The following GABRB1 variants were observed in gnomAD, a reference collection of about 807,000 sequenced individuals.
GABRB1 encodes gamma-aminobutyric acid receptor subunit beta-1.
GABRB1 carries 17 observed loss-of-function variants against 51.6 expected under a neutral mutation model. That is an observed-to-expected ratio of 0.33 (90% confidence interval 0.23 to 0.49). GABRB1 has a LOEUF of 0.49. Ranked by LOEUF, GABRB1 falls within the 20% of genes least tolerant of loss-of-function variation. The pLI is 0.99. For missense variants in GABRB1, 410 were observed against 600.6 expected (o/e 0.68, Z 3.32); for synonymous variants, 247 against 218.9 (o/e 1.13, Z -1.14).
intron 3 of GABRB1, among the ~76,000 whole-genome samples, chr4:47,119,226 C>A (rs1715640657): frequency 6.6e-6 from 1 of 151,854 alleles, no homozygotes. Flanking sequence ...GAATCAATGG[C>A]AAATATACAA....
In GABRB1 at chr4:47,426,095, A is replaced by G; in HGVS notation, c.*77A>G. The G allele has an allele frequency of 8.4e-7, 1 of 1,193,360 alleles. No individual in the cohort carries two copies. 73.9% of individuals were successfully genotyped at this position (1,193,360 alleles called of 1,614,324 possible). On this transcript the variant is annotated 3_prime_UTR_variant, in exon 9 of 9. Coordinates refer to ENST00000295454, the MANE Select transcript of GABRB1 (RefSeq NM_000812.4). Reference sequence around the variant, plus strand: ...AACCTTACAGGTCCCCAACAGCGATACTGCTGTTTCTCGAGGTAAGAGATT... The same window carrying G: ...AACCTTACAGGTCCCCAACAGCGATGCTGCTGTTTCTCGAGGTAAGAGATT...
At chr4:47,032,922 C>T in intron 3 of GABRB1, 1 of 334,038 alleles carries the variant, frequency 3.0e-6, no homozygotes, top group Non-Finnish European at 6.1e-6. Context: ...TCCGCGAGCC[C>T]GGATGCACCA....
At chr4:47,404,489 G>GCACA (rs56335154) in intron 7 of GABRB1, among the ~76,000 whole-genome samples, 10,000 of 145,448 alleles carry the variant, frequency 0.069, 421 homozygotes, top group Admixed American at 0.14. Flanking sequence ...ACACACGCAT[G>GCACA]CACACACACA....
intron 4 of GABRB1, among the ~76,000 whole-genome samples, chr4:47,276,062 T>C (rs950570693): frequency 6.6e-6 from 1 of 152,150 alleles, no homozygotes; most frequent in African/African-American, 2.4e-5. Context: ...GAAATATGAG[T>C]TATCTCAGTC....
intron 8 of GABRB1, among the ~76,000 whole-genome samples, chr4:47,424,470 CT>C (rs1275576780): frequency 1.3e-5 from 2 of 152,176 alleles, no homozygotes; most frequent in African/African-American, 4.8e-5. Flanking sequence ...CATGTGCTAT[CT>C]ATCCTCTGTC....
At chr4:47,336,308 C>T (rs1041375911) in intron 5 of GABRB1, among the ~76,000 whole-genome samples, 6 of 152,236 alleles carry the variant, frequency 3.9e-5, no homozygotes, top group Admixed American at 1.3e-4. Context: ...AAGAAGAGGT[C>T]CAAGTGCTTA....
intron 4 of GABRB1, among the ~76,000 whole-genome samples, chr4:47,206,491 T>C (rs1366905190): frequency 1.3e-5 from 2 of 152,024 alleles, no homozygotes; most frequent in Admixed American, 1.3e-4. Flanking sequence ...ATTCATTTAA[T>C]TCTTATTTTG....
At chr4:47,394,593 T>C (rs1728116956) in intron 5 of GABRB1, among the ~76,000 whole-genome samples, 1 of 152,238 alleles carries the variant, frequency 6.6e-6, no homozygotes, top group African/African-American at 2.4e-5. Flanking sequence ...GCTTTAAATT[T>C]GGACTGTATT....
At chr4:47,170,122 C>A (rs1453921488) in intron 4 of GABRB1, among the ~76,000 whole-genome samples, 1 of 152,070 alleles carries the variant, frequency 6.6e-6, no homozygotes, top group African/African-American at 2.4e-5. Flanking sequence ...TAACTAAAAA[C>A]CTGTGACCTG....
intron 4 of GABRB1, among the ~76,000 whole-genome samples, chr4:47,165,989 A>G (rs1403760318): frequency 6.6e-6 from 1 of 151,910 alleles, no homozygotes; most frequent in Non-Finnish European, 1.5e-5. Context: ...TTTCCAAATC[A>G]CTTCTACCAT....
chr4:46,995,742 A>G (rs1723972443), intron 1 of GABRB1, among the ~76,000 whole-genome samples: 1 of 152,234 alleles, frequency 6.6e-6, no homozygotes, highest in Non-Finnish European at 1.5e-5. Flanking sequence ...TCATTTTAAA[A>G]ATACACATAT....
chr4:47,088,139 C>T (rs1180268562), intron 3 of GABRB1, among the ~76,000 whole-genome samples: 1 of 152,096 alleles, frequency 6.6e-6, no homozygotes, highest in African/African-American at 2.4e-5. Context: ...AAGTAGAAAA[C>T]GCTGTACTTT....
chr4:47,219,241 A>G (rs1181071533), intron 4 of GABRB1, among the ~76,000 whole-genome samples: 2 of 151,882 alleles, frequency 1.3e-5, no homozygotes, highest in Non-Finnish European at 2.9e-5. Context: ...GATATATTAA[A>G]GTTCAATTAC....
intron 4 of GABRB1, among the ~76,000 whole-genome samples, chr4:47,272,677 G>T (rs1722918880): frequency 6.6e-6 from 1 of 152,122 alleles, no homozygotes; most frequent in Admixed American, 6.6e-5. Context: ...TTTTAAGCAT[G>T]TAATTATAAT....
chr4:47,018,592 C>T (rs1038637102), intron 1 of GABRB1, among the ~76,000 whole-genome samples: 2 of 152,166 alleles, frequency 1.3e-5, no homozygotes, highest in Admixed American at 6.5e-5. Flanking sequence ...ATAGCCTACT[C>T]TTGGCCAGAA....
intron 4 of GABRB1, among the ~76,000 whole-genome samples, chr4:47,229,425 G>A (rs888460370): frequency 1.3e-5 from 2 of 152,154 alleles, no homozygotes; most frequent in Non-Finnish European, 2.9e-5. Flanking sequence ...TGACACTCAA[G>A]TGTAGGATAA....
intron 1 of GABRB1, among the ~76,000 whole-genome samples, chr4:47,024,716 C>T (rs1360689168): frequency 6.6e-6 from 1 of 151,466 alleles, no homozygotes; most frequent in Non-Finnish European, 1.5e-5. Context: ...TTATCCCATA[C>T]CACCTTCTGA....
intron 5 of GABRB1, among the ~76,000 whole-genome samples, chr4:47,343,491 C>G (rs1415666834): frequency 6.6e-6 from 1 of 152,084 alleles, no homozygotes; most frequent in Non-Finnish European, 1.5e-5. Flanking sequence ...CCAATGAATT[C>G]AGTAAGTGAA....
chr4:47,027,786 G>A (rs573887185), upstream of GABRB1, among the ~76,000 whole-genome samples: 1 of 151,676 alleles, frequency 6.6e-6, no homozygotes, highest in South Asian at 2.1e-4. Flanking sequence ...AGCAATAATG[G>A]TGTTGCTGCC....
Sources: gnomAD v4.1 joint callset for allele counts (sites outside exome capture counted in the v4.1 genomes callset) on GRCh38, gnomAD v4.1.1 for gene constraint, MANE v1.5 for transcripts, NCBI Gene and HGNC (gene_info 2026-07-23, HGNC 2026-07-21) for gene names.